PPP2R5D: variants seen among roughly 807,000 people sequenced by gnomAD.
PPP2R5D encodes the protein serine/threonine-protein phosphatase 2A 56 kDa regulatory subunit delta isoform.
PPP2R5D carries 12 observed loss-of-function variants against 79.1 expected under a neutral mutation model. The observed-to-expected ratio is 0.15, with a 90% CI of 0.10 to 0.25. The LOEUF (loss-of-function observed/expected upper bound fraction) is 0.25. Ranked by LOEUF, PPP2R5D falls within the 10% of genes least tolerant of loss-of-function variation. The probability of loss-of-function intolerance (pLI) is 1.00; values close to 1 mark genes in which losing one functional copy is unlikely to be tolerated. For synonymous variants in PPP2R5D, 277 were observed against 286.6 expected (o/e 0.97, Z 0.34); for missense variants, 419 against 760.2 (o/e 0.55, Z 5.28).
At chr6:42,996,921 A>AT (rs970222197) in intron 2 of PPP2R5D, among the ~76,000 whole-genome samples, 8 of 152,102 alleles carry the variant, frequency 5.3e-5, no homozygotes, top group African/African-American at 1.9e-4. Flanking sequence ...TAATCTTTGC[A>AT]TTTTTTCTGG....
Position 43,007,128 on chromosome 6 carries a change from A to C in PPP2R5D, c.522+18A>C. 6.2e-7 allele frequency: 1 copy of C among 1,614,086 alleles called. No individual in the cohort carries two copies. Among genetic ancestry groups the C allele is most frequent in the Non-Finnish European group, 8.5e-7 (1 of 1,179,984 alleles). The stretch of plus-strand genomic sequence containing the variant: ...TCACCATGGTGGGCACAGGGAAAGG[A>C]CACAGGGGGGACTGGTGAGGGGCTC... On this transcript the variant is annotated intron_variant, in intron 4 of 15. Transcript: ENST00000485511. The surrounding 1 kb of genome is among the most constrained non-coding windows in gnomAD (Gnocchi z 4.5).
chr6:43,008,550 G>T lies in PPP2R5D; in HGVS notation c.1026+75G>T, dbSNP rs567314999. The T allele has an allele frequency of 9.8e-5, 148 of 1,503,902 alleles. 1 individual carries two copies. The highest frequency in any genetic ancestry group is 2.8e-6 in the Non-Finnish European group (3 of 1,081,648). The allele number at this position is 1,503,902 out of a possible 1,614,324, so 93.2% of individuals were successfully genotyped here. A position where few individuals can be genotyped will look rare whatever the true frequency, so the allele number is the denominator to read the frequency against. On this transcript the variant is annotated intron_variant, in intron 9 of 15. Coordinates refer to ENST00000485511, the MANE Select transcript of PPP2R5D (RefSeq NM_006245.4). This position sits in a 1 kb window ranked among gnomAD's most constrained non-coding sequence, Gnocchi z 4.2. ...AGCCGGCAGGAAAGTGTTCCAGCTG[G>T]GATAGGGGAAGCATAGGGAGCAGGT...
chr6:42,999,598 T>C (rs1446248933), intron 2 of PPP2R5D, among the ~76,000 whole-genome samples: 2 of 152,094 alleles, frequency 1.3e-5, no homozygotes, highest in East Asian at 1.9e-4. Flanking sequence ...TGGAGTCTTA[T>C]TCTGTTGCCC....
intron 2 of PPP2R5D, 64 bp downstream of exon 2, chr6:42,989,752 G>A: frequency 2.0e-6 from 3 of 1,472,432 alleles, no homozygotes; most frequent in Non-Finnish European, 2.8e-6. Flanking sequence ...ATGATGGCTA[G>A]TTGGGTAGGG....
intron 2 of PPP2R5D, among the ~76,000 whole-genome samples, chr6:42,998,015 TTATATATATATATATATATATATA>T (rs1561843629): frequency 0.015 from 469 of 32,336 alleles, 10 homozygotes; most frequent in East Asian, 0.051. Context: ...TGGGTTTTAT[TTATATATATATATATATATATATA>T]TATATATATA....
At position 43,007,239 on chromosome 6, in the gene PPP2R5D, C is replaced by G; in HGVS notation, c.566C>G (p.Pro189Arg). The change falls in exon 5 of 16, where the codon CCC becomes CGC. Residue 189 changes from proline (P) to arginine (R), a missense_variant. Coordinates refer to ENST00000485511, the MANE Select transcript of PPP2R5D (RefSeq NM_006245.4). The surrounding 1 kb of genome is among the most constrained non-coding windows in gnomAD (Gnocchi z 4.5). The stretch of plus-strand genomic sequence containing the variant: ...CGGACGCTGCCACCTTCATCGAATC[C>G]CACAGGGGCTGAGTTTGACCCAGAG... ...LFRTLPPSSN[P>R]TGAEFDPEED... 1 of 1,614,052 alleles carries G rather than the reference C, an allele frequency of 6.2e-7. No individual in the cohort carries two copies. The highest frequency in any genetic ancestry group is 8.5e-7 in the Non-Finnish European group (1 of 1,179,994).
Position 43,008,894 on chromosome 6 carries a change from C to G in PPP2R5D, c.1080+148C>G. The G allele has an allele frequency of 8.0e-7, 1 of 1,249,562 alleles. No homozygotes were observed. 77.4% of individuals were successfully genotyped at this position (1,249,562 alleles called of 1,614,324 possible). A position where few individuals can be genotyped will look rare whatever the true frequency, so the allele number is the denominator to read the frequency against. On this transcript the variant is annotated intron_variant, in intron 10 of 15. Coordinates refer to ENST00000485511, the MANE Select transcript of PPP2R5D (RefSeq NM_006245.4). The surrounding 1 kb of genome is among the most constrained non-coding windows in gnomAD (Gnocchi z 4.2). ...TTCCTCTCTGAAGGGGAAGCAAAAC[C>G]TATATACACCTAGGAAACAGATCCA...
At chr6:42,985,287 A>G (rs1203690986) in intron 1 of PPP2R5D, among the ~76,000 whole-genome samples, 1 of 152,058 alleles carries the variant, frequency 6.6e-6, no homozygotes, top group African/African-American at 2.4e-5. Context: ...TTCACACACA[A>G]ACTTGTAAGC....
intron 1 of PPP2R5D, among the ~76,000 whole-genome samples, chr6:42,987,942 C>A (rs1770974059): frequency 6.6e-6 from 1 of 152,034 alleles, no homozygotes; most frequent in South Asian, 2.1e-4. Flanking sequence ...AATGTTGTGT[C>A]CTGCCTGCAC....
rs1389028573 is a variant in PPP2R5D at position 43,007,594 on chromosome 6, A to G, written c.726+88A>G. 7.8e-7 allele frequency: 1 copy of G among 1,280,124 alleles called. No homozygotes were observed. The highest frequency in any genetic ancestry group is 1.1e-6 in the Non-Finnish European group (1 of 882,906). The allele number at this position is 1,280,124 out of a possible 1,614,324, so 79.3% of individuals were successfully genotyped here. A position where few individuals can be genotyped will look rare whatever the true frequency, so the allele number is the denominator to read the frequency against. ...CCAGTGGCTCTTTCCCCTTAAGCTGAATATATTGGGTTTCATCCATGTCTG... is the reference window on the plus strand; with the variant it reads ...CCAGTGGCTCTTTCCCCTTAAGCTGGATATATTGGGTTTCATCCATGTCTG... On this transcript the variant is annotated intron_variant, in intron 6 of 15. Transcript: ENST00000485511. This position sits in a 1 kb window ranked among gnomAD's most constrained non-coding sequence, Gnocchi z 4.5.
In PPP2R5D at chr6:43,010,647, C is replaced by G. The variant is rs1762306242; in HGVS notation, c.1482-17C>G. 1 of 1,613,952 alleles carries G rather than the reference C, an allele frequency of 6.2e-7. No individual in the cohort carries two copies. Among genetic ancestry groups the G allele is most frequent in the African/African-American group, 1.3e-5 (1 of 74,914 alleles). On this transcript the variant is annotated splice_polypyrimidine_tract_variant and intron_variant, in intron 13 of 15. Coordinates refer to ENST00000485511, the MANE Select transcript of PPP2R5D (RefSeq NM_006245.4). The surrounding 1 kb of genome is among the most constrained non-coding windows in gnomAD (Gnocchi z 4.7). ...GTTTCTCTCAAGCCCAACCCCAATC[C>G]TACTTTTGCTCCTCAGGGGCCGGTT...
At chr6:42,989,930 T>TA (rs1440680434) in intron 2 of PPP2R5D, among the ~76,000 whole-genome samples, 5 of 152,338 alleles carry the variant, frequency 3.3e-5, no homozygotes, top group Admixed American at 2.6e-4. Context: ...TTTCTCTGCT[T>TA]ACCAACTTGG....
In PPP2R5D at chr6:43,010,824, A is replaced by C; in HGVS notation, c.1555-57A>C. The C allele has an allele frequency of 1.3e-6, 2 of 1,596,488 alleles. No homozygotes were observed. The highest frequency in any genetic ancestry group is 1.7e-6 in the Non-Finnish European group (2 of 1,165,198). On this transcript the variant is annotated intron_variant, in intron 14 of 15. Transcript: ENST00000485511. The surrounding 1 kb of genome is among the most constrained non-coding windows in gnomAD (Gnocchi z 4.7). ...TTGTTGGGGGAGGAATATGGGGCAC[A>C]CAGGCCCCCAAGCCTCTGAAGTGGC...
At chr6:42,995,779 A>G (rs1771624357) in intron 2 of PPP2R5D, among the ~76,000 whole-genome samples, 1 of 150,646 alleles carries the variant, frequency 6.6e-6, no homozygotes, top group Non-Finnish European at 1.5e-5. Flanking sequence ...ACAGTGGTAC[A>G]ATCATGGCTC....
chr6:42,989,219 C>T (rs1455685691), intron 1 of PPP2R5D, among the ~76,000 whole-genome samples: 1 of 152,174 alleles, frequency 6.6e-6, no homozygotes, highest in Non-Finnish European at 1.5e-5. Flanking sequence ...GCATGAAAGC[C>T]TCCGGCACAC....
intron 2 of PPP2R5D, among the ~76,000 whole-genome samples, chr6:42,991,300 C>T (rs767167135): frequency 9.2e-5 from 14 of 152,150 alleles, no homozygotes; most frequent in Non-Finnish European, 1.5e-5. Context: ...CAGCAAGAAA[C>T]AGGATTTTCT....
At chr6:43,004,509 A>G (rs909869995) in intron 2 of PPP2R5D, among the ~76,000 whole-genome samples, 3 of 150,470 alleles carry the variant, frequency 2.0e-5, no homozygotes, top group Non-Finnish European at 2.9e-5. Flanking sequence ...TTTTCACATT[A>G]GATTCTTTTC....
chr6:43,006,907 A>C lies in PPP2R5D; in HGVS notation c.323-4A>C, dbSNP rs368528223. 5.6e-6 allele frequency: 9 copies of C among 1,613,602 alleles called. No individual in the cohort carries two copies. In the African/African-American group the frequency reaches 8.0e-5, roughly 14 times the overall value. The stretch of plus-strand genomic sequence containing the variant: ...GGAGAACCTGACTGCTGGGGCCCCC[A>C]CAGATTCGCCAACCCAGGAGCGGGA... On this transcript the variant is annotated splice_polypyrimidine_tract_variant and splice_region_variant and intron_variant, in intron 3 of 15. Coordinates refer to ENST00000485511, the MANE Select transcript of PPP2R5D (RefSeq NM_006245.4). This position sits in a 1 kb window ranked among gnomAD's most constrained non-coding sequence, Gnocchi z 4.7.
Position 43,011,448 on chromosome 6 carries a change from A to C in PPP2R5D, c.*162A>C. On this transcript the variant is annotated 3_prime_UTR_variant, in exon 16 of 16. Coordinates refer to ENST00000485511, the MANE Select transcript of PPP2R5D (RefSeq NM_006245.4). ...CACTTGAAGCAGGGACACCCACAGAATGGTCCCTCTTCTCCCCAAAAGGTG... is the reference window on the plus strand; with the variant it reads ...CACTTGAAGCAGGGACACCCACAGACTGGTCCCTCTTCTCCCCAAAAGGTG... The C allele has an allele frequency of 1.1e-6, 1 of 945,344 alleles. No homozygotes were observed. Among genetic ancestry groups the C allele is most frequent in the Non-Finnish European group, 1.5e-6 (1 of 646,354 alleles). 58.6% of individuals were successfully genotyped at this position (945,344 alleles called of 1,614,324 possible).
Sources: allele counts gnomAD v4.1 joint callset (sites outside exome capture counted in the v4.1 genomes callset), GRCh38; gene constraint gnomAD v4.1.1; non-coding constraint Gnocchi (gnomAD v3.1); transcripts MANE v1.5; gene names NCBI Gene and HGNC (gene_info 2026-07-23, HGNC 2026-07-21).